Variants in HAUS8 observed in about 807,000 individuals in gnomAD.
The protein encoded by HAUS8 is HAUS augmin like complex subunit 8.
Under a neutral mutation model 42.9 loss-of-function variants are expected in HAUS8, and 38 were observed. That is an observed-to-expected ratio of 0.89 (90% CI 0.68 to 1.16). The LOEUF is 1.16. HAUS8 is among the 50% of genes most tolerant of loss of function. The pLI is 0.00. For missense variants in HAUS8, 494 were observed against 511.6 expected (o/e 0.97, Z 0.33); for synonymous variants, 199 against 205.8 (o/e 0.97, Z 0.28).
intron 3 of HAUS8, among the ~76,000 whole-genome samples, chr19:17,065,352 C>T (rs1249269208): frequency 1.3e-5 from 2 of 152,172 alleles, no homozygotes; most frequent in African/African-American, 4.8e-5. Context: ...TCTCTGACCT[C>T]CCACACTCCT....
Position 17,050,029 on chromosome 19 carries a change from T to G in HAUS8, c.1077A>C (p.Gly359=). The change falls in exon 11 of 11, where the codon GGA becomes GGC. Residue 359 remains glycine (G), a synonymous_variant. Transcript: ENST00000253669. ...CAGACAGGGGCGTGTTCTTGGGTGC[T>G]CCCCCAGATTCTCTGCAGGCACTGT... ...NQDSACRESG[G]APKNTPLSED... 6.2e-7 allele frequency: 1 copy of G among 1,608,128 alleles called. No homozygotes were observed. Among genetic ancestry groups the G allele is most frequent in the Non-Finnish European group, 8.5e-7 (1 of 1,177,734 alleles).
intron 1 of HAUS8, chr19:17,074,627 C>T (rs2057453840): frequency 6.6e-6 from 1 of 152,458 alleles, no homozygotes; most frequent in Non-Finnish European, 1.5e-5. Context: ...CCTGGGTGAA[C>T]CTGCTGCGAC....
chr19:17,071,861 T>C (rs1441777980), intron 2 of HAUS8, among the ~76,000 whole-genome samples: 1 of 151,928 alleles, frequency 6.6e-6, no homozygotes, highest in Non-Finnish European at 1.5e-5. Flanking sequence ...GCCAGGATGG[T>C]GGCAGCTCCC....
intron 3 of HAUS8, among the ~76,000 whole-genome samples, chr19:17,065,973 A>T (rs1335974239): frequency 2.7e-5 from 1 of 36,664 alleles, no homozygotes; most frequent in Non-Finnish European, 5.9e-5. Flanking sequence ...CTTATCTTCT[A>T]AAAAAAAAAA....
intron 3 of HAUS8, among the ~76,000 whole-genome samples, chr19:17,068,537 C>A (rs887736601): frequency 6.6e-6 from 1 of 152,156 alleles, no homozygotes; most frequent in Non-Finnish European, 1.5e-5. Flanking sequence ...GAGGCCGAGG[C>A]GGGAGCATCA....
At chr19:17,072,077 G>A (rs1344758363) in intron 2 of HAUS8, among the ~76,000 whole-genome samples, 3 of 152,198 alleles carry the variant, frequency 2.0e-5, no homozygotes, top group East Asian at 1.9e-4. Context: ...GAACGAGGTA[G>A]CTCATAAATA....
chr19:17,065,823 CAAA>C (rs60912543), intron 3 of HAUS8, among the ~76,000 whole-genome samples: 29 of 129,134 alleles, frequency 2.2e-4, no homozygotes, highest in Non-Finnish European at 2.0e-4. Context: ...GGCTCTATCT[CAAA>C]AAAAAAAAAA....
Position 17,055,163 on chromosome 19 carries a change from T to A in HAUS8, c.787+698A>T, listed in dbSNP as rs1181867091. On this transcript the variant is annotated intron_variant, in intron 9 of 10. Coordinates refer to ENST00000253669, the MANE Select transcript of HAUS8 (RefSeq NM_033417.2). ...AAAAAAATATATATATATATATATA[T>A]ATATATATATATATATATATATATA... The A allele has an allele frequency of 2.8e-4, 11 of 39,718 alleles. 1 individual carries two copies. The highest frequency in any genetic ancestry group is 3.6e-4 in the Non-Finnish European group (9 of 25,306). The allele number at this position is 39,718 out of a possible 1,614,324, so 2.5% of individuals were successfully genotyped here.
intron 10 of HAUS8, among the ~76,000 whole-genome samples, chr19:17,050,524 C>A (rs983847190): frequency 5.3e-5 from 8 of 152,110 alleles, no homozygotes; most frequent in Non-Finnish European, 1.2e-4. Context: ...CTTTGGGAGG[C>A]CGAGGCAGAC....
chr19:17,055,114 G>GGT (rs1342027832), intron 9 of HAUS8: 1 of 4,722 alleles, frequency 2.1e-4, no homozygotes, highest in African/African-American at 6.9e-4. Flanking sequence ...CGTCTCTACA[G>GGT]AAAAAAAAAA....
Position 17,075,408 on chromosome 19 carries a change from C to G in HAUS8, c.15G>C (p.Ser5=), listed in dbSNP as rs922741890. 9 of 1,613,790 alleles carry G rather than the reference C, an allele frequency of 5.6e-6. No individual in the cohort carries two copies. The highest frequency in any genetic ancestry group is 1.3e-5 in the African/African-American group (1 of 74,924). MADS[S]GRGAGKPATG... ...CCCCAACTCACCCAGCGCCTCGCCC[C>G]GAGGAATCCGCCATTTTCCCGCCTT... Residue 5 remains serine, a synonymous_variant, in exon 1 of 11, where the codon TCG becomes TCC. Coordinates refer to ENST00000253669, the MANE Select transcript of HAUS8 (RefSeq NM_033417.2).
chr19:17,052,484 G>C lies in HAUS8; in HGVS notation c.929+341C>G, dbSNP rs189279145. On this transcript the variant is annotated intron_variant, in intron 10 of 10. Transcript: ENST00000253669. ...CAGTCCCAGCTACTGAAGAGGCTGAGGTGGGATCACTTGAGCCCAGCAATT... is the reference window on the plus strand; with the variant it reads ...CAGTCCCAGCTACTGAAGAGGCTGACGTGGGATCACTTGAGCCCAGCAATT... The C allele has an allele frequency of 8.3e-4, 158 of 189,592 alleles. 1 individual carries two copies. Among genetic ancestry groups the C allele is most frequent in the African/African-American group, 4.3e-3 (152 of 35,044 alleles). 11.7% of individuals were successfully genotyped at this position (189,592 alleles called of 1,614,324 possible).
chr19:17,057,489 T>C (rs1021226794), intron 8 of HAUS8, among the ~76,000 whole-genome samples: 1 of 152,148 alleles, frequency 6.6e-6, no homozygotes, highest in African/African-American at 2.4e-5. Flanking sequence ...CATCTATGAG[T>C]TTCTTCAAAT....
chr19:17,055,978 C>A lies in HAUS8; in HGVS notation c.670G>T (p.Ala224Ser). 6.2e-7 allele frequency: 1 copy of A among 1,614,098 alleles called. No homozygotes were observed. Among genetic ancestry groups the A allele is most frequent in the Non-Finnish European group, 8.5e-7 (1 of 1,180,010 alleles). Residue 224 changes from alanine to serine, a missense_variant, in exon 9 of 11, where the codon GCA becomes TCA. By Grantham distance (99) the Ala-to-Ser change is moderately conservative. Coordinates refer to ENST00000253669, the MANE Select transcript of HAUS8 (RefSeq NM_033417.2). ...AQIEMLSPFE[A>S]VATRFKEQYR... is the part of the protein sequence containing the mutation. ...TGCTCCTTGAAGCGTGTGGCCACTGCCTCGAAGGGGCTGAGCATCTCGATC... is the reference window on the plus strand; with the variant it reads ...TGCTCCTTGAAGCGTGTGGCCACTGACTCGAAGGGGCTGAGCATCTCGATC...
intron 1 of HAUS8, chr19:17,073,699 G>A (rs1369935232): frequency 4.1e-6 from 1 of 242,554 alleles, no homozygotes; most frequent in Admixed American, 5.0e-5. Flanking sequence ...CTCCTTCCCA[G>A]AAAGGGAAGA....
chr19:17,073,499 G>A (rs2057441169), intron 1 of HAUS8, 164 bp from the exon 2 acceptor site: 1 of 692,174 alleles, frequency 1.4e-6, no homozygotes, highest in Non-Finnish European at 2.6e-6. Context: ...GGGACACAAG[G>A]AGCAGCCAGC....
At chr19:17,050,975 G>A (rs1031557813) in intron 10 of HAUS8, among the ~76,000 whole-genome samples, 2 of 151,834 alleles carry the variant, frequency 1.3e-5, no homozygotes, top group East Asian at 1.9e-4. Context: ...TGGGATGATC[G>A]CTTGAGCCTC....
chr19:17,069,413 C>T lies in HAUS8; in HGVS notation c.92-327G>A, dbSNP rs74382927. 2.8e-4 allele frequency among the ~76,000 whole-genome samples: 42 copies of T among 151,450 alleles called. 1 individual carries two copies. The East Asian group carries it at 6.0e-3, about 22-fold the overall frequency. On this transcript the variant is annotated intron_variant, in intron 2 of 10. Coordinates refer to ENST00000253669, the MANE Select transcript of HAUS8 (RefSeq NM_033417.2). The stretch of plus-strand genomic sequence containing the variant: ...GGAAAGAAGAAAGAGCTTTCACTGA[C>T]GGCCTCCAGGTGGCTTCCTCCTTCC...
At position 17,055,811 on chromosome 19, in the gene HAUS8, C is replaced by T. The variant is rs113957590; in HGVS notation, c.787+50G>A. 1.8e-3 allele frequency: 2,799 copies of T among 1,556,028 alleles called. 47 individuals are homozygous for T. The African/African-American group carries it at 0.03, about 17-fold the overall frequency. ...CAGGCCCACAGGAAGCACCCACACA[C>T]GCTCCTCGCCCCGCCTGCTGCACAC... is the stretch of plus-strand genomic sequence containing the variant. On this transcript the variant is annotated intron_variant, in intron 9 of 10. Transcript: ENST00000253669.
Sources: allele counts gnomAD v4.1 joint callset (sites outside exome capture counted in the v4.1 genomes callset), GRCh38; gene constraint gnomAD v4.1.1; transcripts MANE v1.5; gene names NCBI Gene and HGNC (gene_info 2026-07-23, HGNC 2026-07-21).